GSG1L: variants seen among roughly 807,000 people sequenced by gnomAD.
The protein encoded by GSG1L is germ cell-specific gene 1-like protein.
A neutral mutation model predicts 42.1 loss-of-function variants in GSG1L; 24 were observed. That is an observed-to-expected ratio of 0.57 (90% CI 0.41 to 0.80). GSG1L has a LOEUF of 0.80. Among genes scored for constraint, GSG1L ranks in the 30% least tolerant of loss-of-function variants. The pLI, the probability that GSG1L is intolerant of heterozygous loss-of-function variation, is 0.00. For missense variants in GSG1L, 445 were observed against 472.2 expected (o/e 0.94, Z 0.53); for synonymous variants, 215 against 203.5 (o/e 1.06, Z -0.48).
intron 1 of GSG1L, among the ~76,000 whole-genome samples, chr16:28,013,085 A>C (rs746591644): frequency 6.6e-6 from 1 of 151,814 alleles, no homozygotes; most frequent in African/African-American, 2.4e-5. Context: ...TTAGCCGTGC[A>C]TGGTGGCATA....
intron 1 of GSG1L, among the ~76,000 whole-genome samples, chr16:27,969,746 T>G (rs577890357): frequency 6.6e-6 from 1 of 152,254 alleles, no homozygotes; most frequent in African/African-American, 2.4e-5. Flanking sequence ...CTGAGTCATA[T>G]GTAACTCTAT....
At chr16:27,847,600 G>C (rs1457185788) in intron 3 of GSG1L, among the ~76,000 whole-genome samples, 2 of 152,236 alleles carry the variant, frequency 1.3e-5, no homozygotes, top group African/African-American at 4.8e-5. Context: ...CACTGATATG[G>C]TGTGGATCTG....
chr16:27,836,681 T>C (rs1188589748), intron 4 of GSG1L, among the ~76,000 whole-genome samples: 1 of 152,250 alleles, frequency 6.6e-6, no homozygotes, highest in Non-Finnish European at 1.5e-5. Context: ...TTGAATTTTT[T>C]AGTTTTAAAA....
intron 2 of GSG1L, among the ~76,000 whole-genome samples, chr16:27,894,619 G>A (rs571223089): frequency 2.0e-5 from 3 of 152,324 alleles, no homozygotes; most frequent in East Asian, 1.9e-4. Flanking sequence ...GGCTGGCAAC[G>A]TCTCTGTGGC....
intron 3 of GSG1L, among the ~76,000 whole-genome samples, chr16:27,868,683 A>G (rs1197993585): frequency 2.6e-5 from 4 of 152,052 alleles, no homozygotes; most frequent in African/African-American, 9.7e-5. Context: ...CTTCTCTTGT[A>G]AAAAATCAGA....
At position 27,839,236 on chromosome 16, in the gene GSG1L, A is replaced by G. The variant is rs376487287; in HGVS notation, c.662+5714T>C. On this transcript the variant is annotated intron_variant, in intron 4 of 6. Coordinates refer to ENST00000447459, the MANE Select transcript of GSG1L (RefSeq NM_001109763.2). Reference sequence around the variant, plus strand: ...AACAGAAAGGGGCCACTAGGACAGGAGTGAGAACCTTCCCTAGATCTGGCC... The same window carrying G: ...AACAGAAAGGGGCCACTAGGACAGGGGTGAGAACCTTCCCTAGATCTGGCC... Among the ~76,000 whole-genome samples the G allele has an allele frequency of 5.3e-5, 8 of 152,280 alleles. No individual in the cohort carries two copies. In the South Asian group the frequency reaches 1.5e-3, roughly 28 times the overall value.
At chr16:27,991,530 G>A (rs1186968265) in intron 1 of GSG1L, among the ~76,000 whole-genome samples, 3 of 151,168 alleles carry the variant, frequency 2.0e-5, no homozygotes, top group East Asian at 3.9e-4. Context: ...TCAGCCTCCC[G>A]AGTAGCTGGG....
At chr16:27,963,483 G>A (rs1337527993) in intron 1 of GSG1L, among the ~76,000 whole-genome samples, 3 of 151,912 alleles carry the variant, frequency 2.0e-5, no homozygotes, top group Non-Finnish European at 2.9e-5. Context: ...CAGAATCCAC[G>A]CTCCTCCTCA....
At chr16:27,911,266 GCTCTCTCTCT>G (rs71648556) in intron 2 of GSG1L, among the ~76,000 whole-genome samples, 1 of 122,056 alleles carries the variant, frequency 8.2e-6, no homozygotes, top group Non-Finnish European at 1.7e-5. Context: ...CCTCTCTCTC[GCTCTCTCTCT>G]CTCTCTCTCT....
intron 5 of GSG1L, 127 bp downstream of exon 5, chr16:27,828,662 C>T (rs1325002173): frequency 4.8e-6 from 4 of 840,070 alleles, no homozygotes; most frequent in East Asian, 5.1e-5. Flanking sequence ...TCTTCTGCCT[C>T]CCCCCTCCAT....
In GSG1L at chr16:27,947,577, GAAAGAAAGAAAGAAAGAAAGAA is replaced by G. The variant is rs1567530890; in HGVS notation, c.397+15557_397+15578del. Reference sequence around the variant, plus strand: ...AGAAAGAAAGAAAGAAAGAAAGAAAGAAAGAAAGAAAGAAAGAAAGAAAAAGAAAGAAAGAAAAAGAAAAGTT... The same window carrying G: ...AGAAAGAAAGAAAGAAAGAAAGAAAGAAAGAAAGAAAGAAAAAGAAAAGTT... On this transcript the variant is annotated intron_variant, in intron 2 of 6. Transcript: ENST00000447459. Among the ~76,000 whole-genome samples the G allele has an allele frequency of 5.7e-3, 680 of 118,578 alleles. 3 individuals are homozygous for G. The highest frequency in any genetic ancestry group is 8.8e-3 in the African/African-American group (271 of 30,772). 77.8% of individuals were successfully genotyped at this position (118,578 alleles called of 152,430 possible).
intron 4 of GSG1L, among the ~76,000 whole-genome samples, chr16:27,843,209 A>G (rs763698773): frequency 2.6e-5 from 4 of 152,136 alleles, no homozygotes; most frequent in Non-Finnish European, 4.4e-5. Context: ...GTAGTGGACA[A>G]TTGTGGTCTC....
intron 2 of GSG1L, among the ~76,000 whole-genome samples, chr16:27,895,739 C>T (rs991209832): frequency 1.3e-5 from 2 of 152,176 alleles, no homozygotes; most frequent in African/African-American, 4.8e-5. Flanking sequence ...CCCAAGGTCA[C>T]GACGCTCACT....
chr16:28,054,053 A>T, intron 1 of GSG1L, among the ~76,000 whole-genome samples: 1 of 150,912 alleles, frequency 6.6e-6, no homozygotes. Flanking sequence ...TGTGTGTGCC[A>T]CCCGCCCTGC....
intron 2 of GSG1L, among the ~76,000 whole-genome samples, chr16:27,927,724 T>C (rs2084611315): frequency 6.6e-6 from 1 of 152,174 alleles, no homozygotes; most frequent in African/African-American, 2.4e-5. Context: ...ATGCCTAGCC[T>C]AGGCAAAGTT....
intron 3 of GSG1L, among the ~76,000 whole-genome samples, chr16:27,851,676 T>C (rs1337018536): frequency 6.6e-6 from 1 of 152,138 alleles, no homozygotes; most frequent in Non-Finnish European, 1.5e-5. Context: ...AGGGCAGTGT[T>C]GCTTGTTGTG....
intron 4 of GSG1L, among the ~76,000 whole-genome samples, chr16:27,834,014 T>C (rs2083297709): frequency 6.6e-6 from 1 of 152,206 alleles, no homozygotes; most frequent in Non-Finnish European, 1.5e-5. Flanking sequence ...ATAATGGTGT[T>C]CTCAATCTTA....
chr16:27,938,973 G>A (rs2084753413), intron 2 of GSG1L, among the ~76,000 whole-genome samples: 2 of 152,190 alleles, frequency 1.3e-5, no homozygotes, highest in Admixed American at 1.3e-4. Context: ...CCCTCCGTGA[G>A]GATGGATGGA....
At chr16:27,830,481 G>C (rs2083262840) in intron 4 of GSG1L, among the ~76,000 whole-genome samples, 1 of 152,120 alleles carries the variant, frequency 6.6e-6, no homozygotes, top group South Asian at 2.1e-4. Context: ...TTTCTCAAAG[G>C]GATCCTCAAA....
Sources: gnomAD v4.1 joint callset for allele counts (sites outside exome capture counted in the v4.1 genomes callset) on GRCh38, gnomAD v4.1.1 for gene constraint, MANE v1.5 for transcripts, NCBI Gene and HGNC (gene_info 2026-07-23, HGNC 2026-07-21) for gene names.